The following LGI2 variants were observed in gnomAD, a reference collection of about 807,000 sequenced individuals.
The protein encoded by LGI2 is leucine-rich repeat LGI family member 2.
Under a neutral mutation model 52.0 loss-of-function variants are expected in LGI2, and 30 were observed. That is an observed-to-expected ratio of 0.58 (90% CI 0.43 to 0.78). The LOEUF is 0.78. LGI2 is among the 30% of genes least tolerant of loss of function. LGI2 has a pLI of 0.00. For missense variants in LGI2, 573 were observed against 692.5 expected, an observed-to-expected ratio of 0.83 and a Z score of 1.94; for synonymous variants, 270 against 271.8, an observed-to-expected ratio of 0.99 and a Z score of 0.06.
intron 6 of LGI2, among the ~76,000 whole-genome samples, chr4:25,015,546 G>A (rs926864935): frequency 1.3e-5 from 2 of 152,162 alleles, no homozygotes; most frequent in South Asian, 2.1e-4. Flanking sequence ...AGTGAAACAG[G>A]AGAAAACTCA....
chr4:24,996,799 T>A (rs1158724859), downstream of LGI2, among the ~76,000 whole-genome samples: 2 of 152,244 alleles, frequency 1.3e-5, no homozygotes, highest in Non-Finnish European at 2.9e-5. Flanking sequence ...TATTTCTCCT[T>A]CCACAACAAT....
chr4:24,994,610 T>C (rs1388591376), downstream of LGI2, among the ~76,000 whole-genome samples: 1 of 152,138 alleles, frequency 6.6e-6, no homozygotes, highest in Non-Finnish European at 1.5e-5. Context: ...TCCTCCACAC[T>C]GCAAATATGT....
Position 25,003,976 on chromosome 4 carries a change from G to A in LGI2, c.1113C>T (p.Phe371=), listed in dbSNP as rs770353826. The A allele has an allele frequency of 6.2e-6, 10 of 1,614,066 alleles. No individual in the cohort carries two copies. In the East Asian group the frequency reaches 2.2e-4, roughly 36 times the overall value. ...CAACAAACTCCGCATCCGTGTCCCT[G>A]AACCACTCGTGCAGTGACTGGTAAG... ...FYSYQSLHEW[F]RDTDAEFVDI... Residue 371 remains phenylalanine, a synonymous_variant, in exon 8 of 8, where the codon TTC becomes TTT. Coordinates refer to ENST00000382114, the MANE Select transcript of LGI2 (RefSeq NM_018176.4).
At chr4:25,017,590 A>G (rs1725816335) in intron 6 of LGI2, among the ~76,000 whole-genome samples, 1 of 150,126 alleles carries the variant, frequency 6.7e-6, no homozygotes, top group African/African-American at 2.5e-5. Flanking sequence ...TGTTAGTTAA[A>G]TGTCCAATGA....
rs1725205050 is a variant in LGI2 at position 25,000,529 on chromosome 4, C to CT, written c.*2921dup. The CT allele has an allele frequency of 6.6e-6, 1 of 152,256 alleles. No homozygotes were observed. The highest frequency in any genetic ancestry group is 6.5e-5 in the Admixed American group (1 of 15,280). The allele number at this position is 152,256 out of a possible 1,614,324, so 9.4% of individuals were successfully genotyped here. On this transcript the variant is annotated 3_prime_UTR_variant, in exon 8 of 8. Coordinates refer to ENST00000382114, the MANE Select transcript of LGI2 (RefSeq NM_018176.4). ...TCCAATAACACAGTGCTCTTCATGT[C>CT]TAAGAGTTATTTTTAGAGTCTTGAT... is the stretch of plus-strand genomic sequence containing the variant.
chr4:25,022,884 A>C (rs1726018469), intron 4 of LGI2, among the ~76,000 whole-genome samples: 1 of 152,222 alleles, frequency 6.6e-6, no homozygotes, highest in South Asian at 2.1e-4. Flanking sequence ...GCTTTTGCTC[A>C]AATATAAAGC....
At chr4:25,021,299 G>A (rs1725949345) in intron 4 of LGI2, among the ~76,000 whole-genome samples, 1 of 152,138 alleles carries the variant, frequency 6.6e-6, no homozygotes, top group Admixed American at 6.5e-5. Context: ...CCTGTCCCTT[G>A]GGCTTCATGG....
intron 4 of LGI2, among the ~76,000 whole-genome samples, chr4:25,023,616 C>T (rs1248197794): frequency 6.6e-6 from 1 of 152,194 alleles, no homozygotes; most frequent in Non-Finnish European, 1.5e-5. Context: ...CCACACTGTA[C>T]CAGTCAGGGT....
chr4:24,999,872 T>G lies in LGI2; in HGVS notation c.*3579A>C. ...TCATCACCACTCGTGCATTCAGGTT[T>G]TGAATTTTTCCTTCACAGATCTCTT... On this transcript the variant is annotated 3_prime_UTR_variant, in exon 8 of 8. Coordinates refer to ENST00000382114, the MANE Select transcript of LGI2 (RefSeq NM_018176.4). 1 of 456,236 alleles carries G rather than the reference T, an allele frequency of 2.2e-6. No homozygotes were observed. The highest frequency in any genetic ancestry group is 1.5e-5 in the South Asian group (1 of 64,532). The allele number at this position is 456,236 out of a possible 1,614,324, so 28.3% of individuals were successfully genotyped here.
chr4:25,003,475 A>G lies in LGI2; in HGVS notation c.1614T>C (p.His538=), dbSNP rs1186764454. 4.4e-6 allele frequency: 7 copies of G among 1,594,768 alleles called. No individual in the cohort carries two copies. The highest frequency in any genetic ancestry group is 1.7e-4 in the Middle Eastern group (1 of 5,930). Residue 538 remains histidine, a synonymous_variant, in exon 8 of 8, where the codon CAT becomes CAC. Transcript: ENST00000382114. ...SFKGKTKIFE[H]IIVDLSL ...TTCACAAACTTAAGTCAACAATTAT[A>G]TGTTCAAAAATCTTTGTTTTCCCTT... is the stretch of plus-strand genomic sequence containing the variant.
At chr4:25,005,619 A>AG (rs1225080328) in intron 7 of LGI2, among the ~76,000 whole-genome samples, 1 of 151,348 alleles carries the variant, frequency 6.6e-6, no homozygotes, top group Non-Finnish European at 1.5e-5. Flanking sequence ...AGAAGGAGGC[A>AG]GTTAAACAGG....
chr4:24,994,194 CCTCTCTTGG>C (rs1249522152), downstream of LGI2, among the ~76,000 whole-genome samples: 1 of 152,154 alleles, frequency 6.6e-6, no homozygotes. Flanking sequence ...ACAGAAAGAT[CCTCTCTTGG>C]TGCTGCCAAA....
chr4:25,019,088 G>C, intron 5 of LGI2, 79 bp downstream of exon 5: 1 of 882,474 alleles, frequency 1.1e-6, no homozygotes, highest in Non-Finnish European at 1.9e-6. Context: ...ATGCATAAAA[G>C]AAAGGCGAGA....
intron 2 of LGI2, among the ~76,000 whole-genome samples, chr4:25,027,672 A>G (rs1726193271): frequency 6.6e-6 from 1 of 152,244 alleles, no homozygotes; most frequent in African/African-American, 2.4e-5. Flanking sequence ...TATTCCATTT[A>G]TCCAAATTTT....
rs1560286603 is a variant in LGI2 at position 25,003,635 on chromosome 4, G to A, written c.1454C>T (p.Thr485Ile). 1 of 1,614,018 alleles carries A rather than the reference G, an allele frequency of 6.2e-7. No individual in the cohort carries two copies. The highest frequency in any genetic ancestry group is 8.5e-7 in the Non-Finnish European group (1 of 1,180,022). ...NHYLALGSDY[T>I]FSQIYQWDKE... is the part of the protein sequence containing the mutation. ...ATCCCACTGGTATATCTGAGAGAAT[G>A]TATAGTCACTCCCCAGGGCCAGGTA... is the stretch of plus-strand genomic sequence containing the variant. The change falls in exon 8 of 8, where the codon ACA (threonine) becomes ATA (isoleucine). Residue 485 changes from threonine (T) to isoleucine (I), a missense_variant. Thr to Ile is a moderately conservative substitution (Grantham distance 89, BLOSUM62 -1). Transcript: ENST00000382114.
At chr4:25,028,721 C>T in intron 1 of LGI2, 143 bp from the exon 2 acceptor site, 1 of 679,550 alleles carries the variant, frequency 1.5e-6, no homozygotes, top group Non-Finnish European at 2.6e-6. Context: ...CAGGATCTTC[C>T]CCGGGGTAGG....
In LGI2 at chr4:25,030,861, C is replaced by G. The variant is rs1726324010; in HGVS notation, c.-168G>C. ...GGCCGAGCCGCAGCCGAGCAGCATGCTGGCCGCCACCCCCACTCGGCGCCC... is the reference window on the plus strand; with the variant it reads ...GGCCGAGCCGCAGCCGAGCAGCATGGTGGCCGCCACCCCCACTCGGCGCCC... On this transcript the variant is annotated 5_prime_UTR_variant, in exon 1 of 8. Coordinates refer to ENST00000382114, the MANE Select transcript of LGI2 (RefSeq NM_018176.4). 4.7e-6 allele frequency: 1 copy of G among 213,290 alleles called. No homozygotes were observed. Among genetic ancestry groups the G allele is most frequent in the Non-Finnish European group, 8.2e-6 (1 of 122,682 alleles). 13.2% of individuals were successfully genotyped at this position (213,290 alleles called of 1,614,324 possible). A position where few individuals can be genotyped will look rare whatever the true frequency, so the allele number is the denominator to read the frequency against.
At chr4:24,998,367 G>T (rs1577540151), downstream of LGI2, among the ~76,000 whole-genome samples, 1 of 152,284 alleles carries the variant, frequency 6.6e-6, no homozygotes, top group East Asian at 1.9e-4. Flanking sequence ...TGGTTTCTGA[G>T]CCTTCATTTG....
At chr4:24,996,851 C>A (rs116327041), downstream of LGI2, among the ~76,000 whole-genome samples, 8 of 152,208 alleles carry the variant, frequency 5.3e-5, no homozygotes. Flanking sequence ...GATTTTATCT[C>A]TTTGTGTGGA....
Sources: allele counts gnomAD v4.1 joint callset (sites outside exome capture counted in the v4.1 genomes callset), GRCh38; gene constraint gnomAD v4.1.1; transcripts MANE v1.5; gene names NCBI Gene and HGNC (gene_info 2026-07-23, HGNC 2026-07-21).